Variants in DHX30 observed in about 807,000 individuals in gnomAD.
DHX30 encodes ATP-dependent RNA helicase DHX30.
A neutral mutation model predicts 116.9 loss-of-function variants in DHX30; 4 were observed. The observed-to-expected ratio is 0.03, with a 90% CI of 0.02 to 0.08. The LOEUF is 0.08. DHX30 is among the 10% of genes least tolerant of loss of function. The pLI is 1.00. For synonymous variants in DHX30, 697 were observed against 651.7 expected (o/e 1.07, Z -1.06); for missense variants, 871 against 1,595.1 (o/e 0.55, Z 7.73).
intron 6 of DHX30, among the ~76,000 whole-genome samples, chr3:47,833,074 G>A (rs1259419948): frequency 2.0e-5 from 3 of 151,542 alleles, no homozygotes; most frequent in African/African-American, 4.8e-5. Flanking sequence ...TGTGAGTCAC[G>A]GCTCCTGGCA....
rs370479642 is a variant in DHX30, at chr3:47,812,063, C to CAA, written c.28+1369_28+1370dup. On this transcript the variant is annotated intron_variant, in intron 3 of 21. Coordinates refer to ENST00000445061, the MANE Select transcript of DHX30 (RefSeq NM_138615.3). ...TGGGCAACAGAGCAAGACTCAGTCTCAAAAAAAAAAAAAAAAAAGGCCATG... is the reference window on the plus strand; with the variant it reads ...TGGGCAACAGAGCAAGACTCAGTCTCAAAAAAAAAAAAAAAAAAAAGGCCATG... Among the ~76,000 whole-genome samples, 253 of 88,978 alleles carry CAA rather than the reference C, an allele frequency of 2.8e-3. 10 individuals are homozygous for CAA. The highest frequency in any genetic ancestry group is 7.4e-3 in the Middle Eastern group (1 of 136). The allele number at this position is 88,978 out of a possible 152,430, so 58.4% of individuals were successfully genotyped here. A position where few individuals can be genotyped will look rare whatever the true frequency, so the allele number is the denominator to read the frequency against.
In DHX30 at chr3:47,817,046, T is replaced by G. The variant is rs116073443; in HGVS notation, c.29-976T>G. On this transcript the variant is annotated intron_variant, in intron 3 of 21. Transcript: ENST00000445061. ...TCTTGTTTTACTGATATCTTTCTCC[T>G]CTTTACCAATTGTATATGAGTCAAT... The G allele has an allele frequency of 1.1e-3, 810 of 757,976 alleles. 7 individuals are homozygous for G. In the African/African-American group the frequency reaches 0.015, roughly 14 times the overall value. The allele number at this position is 757,976 out of a possible 1,614,324, so 47.0% of individuals were successfully genotyped here.
In DHX30 at chr3:47,847,676, C is replaced by G. The variant is rs539598696; in HGVS notation, c.2111-105C>G. 6.7e-7 allele frequency: 1 copy of G among 1,484,834 alleles called. No homozygotes were observed. The highest frequency in any genetic ancestry group is 9.1e-7 in the Non-Finnish European group (1 of 1,103,746). 92.0% of individuals were successfully genotyped at this position (1,484,834 alleles called of 1,614,324 possible). On this transcript the variant is annotated intron_variant, in intron 13 of 21. Transcript: ENST00000445061. The surrounding 1 kb of genome is among the most constrained non-coding windows in gnomAD (Gnocchi z 5.5). Reference sequence around the variant, plus strand: ...TTTCACTGGGCATAGTGTTTATCTGCGCCTGTTTCATCAAAATGGGGTCAA... The same window carrying G: ...TTTCACTGGGCATAGTGTTTATCTGGGCCTGTTTCATCAAAATGGGGTCAA...
Position 47,849,022 on chromosome 3 carries a change from C to A in DHX30, c.2872C>A (p.Arg958=), listed in dbSNP as rs1213180342. The A allele has an allele frequency of 6.2e-7, 1 of 1,613,404 alleles. No homozygotes were observed. Among genetic ancestry groups the A allele is most frequent in the Non-Finnish European group, 8.5e-7 (1 of 1,179,754 alleles). ...EVLRWQDRSS[R]ENYLEENLLY... is the part of the protein sequence containing the mutation. ...GCTGCGTTGGCAGGACCGCAGCTCC[C>A]GGGAGAATTACCTGGAGGAAAACCT... Residue 958 remains arginine, a synonymous_variant, in exon 18 of 22, where the codon CGG becomes AGG. Coordinates refer to ENST00000445061, the MANE Select transcript of DHX30 (RefSeq NM_138615.3).
intron 6 of DHX30, among the ~76,000 whole-genome samples, chr3:47,835,560 C>T (rs1357237708): frequency 1.2e-4 from 18 of 149,622 alleles, no homozygotes; most frequent in Non-Finnish European, 1.3e-4. Flanking sequence ...CCGCCTCAGC[C>T]TCCCAAAGTT....
intron 2 of DHX30, among the ~76,000 whole-genome samples, chr3:47,806,043 G>A (rs1242429943): frequency 6.6e-6 from 1 of 152,154 alleles, no homozygotes; most frequent in Non-Finnish European, 1.5e-5. Context: ...CCAGGCTGGA[G>A]TGCAGTGGTG....
intron 6 of DHX30, among the ~76,000 whole-genome samples, chr3:47,839,143 A>C (rs1378650135): frequency 6.6e-6 from 1 of 152,124 alleles, no homozygotes; most frequent in Non-Finnish European, 1.5e-5. Flanking sequence ...CTAGAGACTT[A>C]GGCAATGTTT....
rs2107149156 is a variant in DHX30, at chr3:47,848,801, G to A, written c.2753G>A (p.Arg918Gln). 6.2e-7 allele frequency: 1 copy of A among 1,612,192 alleles called. No homozygotes were observed. The highest frequency in any genetic ancestry group is 8.5e-7 in the Non-Finnish European group (1 of 1,178,378). The change falls in exon 17 of 22, where the codon CGG becomes CAG. Residue 918 changes from arginine (R) to glutamine (Q), a missense_variant. Physicochemically the swap from Arg to Gln is conservative, Grantham distance 43. Coordinates refer to ENST00000445061, the MANE Select transcript of DHX30 (RefSeq NM_138615.3). This position sits in a 1 kb window ranked among gnomAD's most constrained non-coding sequence, Gnocchi z 9.4. ...CCCTTCAGCAGCAGCCTACAGAACC[G>A]GGCAGAGGTGGACAAGGTCAGTCCT... ...RDPFSSSLQN[R>Q]AEVDKVKALL...
rs200442179 is a variant in DHX30, at chr3:47,846,785, G to T, written c.1713G>T (p.Leu571=). The T allele has an allele frequency of 2.7e-5, 43 of 1,613,758 alleles. No homozygotes were observed. The highest frequency in any genetic ancestry group is 3.3e-5 in the Non-Finnish European group (39 of 1,179,966). Residue 571 remains leucine (L), a synonymous_variant, in exon 11 of 22, where the codon CTG becomes CTT. Transcript: ENST00000445061. ...VHERDVNTDF[L]LILLKGLQRL... The stretch of plus-strand genomic sequence containing the variant: ...AGCGGGACGTGAACACAGACTTTCT[G>T]CTGATCCTGCTCAAGGGCCTGCAGC...
intron 9 of DHX30, 43 bp from the exon 10 acceptor site, chr3:47,845,657 G>T: frequency 6.7e-7 from 1 of 1,485,738 alleles, no homozygotes; most frequent in Non-Finnish European, 9.0e-7. Flanking sequence ...TGGTTTTTGG[G>T]GAGCCCCAGA....
At chr3:47,843,558 G>A (rs1239520979) in intron 9 of DHX30, among the ~76,000 whole-genome samples, 2 of 152,204 alleles carry the variant, frequency 1.3e-5, no homozygotes, top group East Asian at 1.9e-4. Flanking sequence ...GGGAGGAGCC[G>A]GGCCTGTTTT....
chr3:47,832,506 C>T (rs1200601429), intron 6 of DHX30, among the ~76,000 whole-genome samples: 1 of 152,156 alleles, frequency 6.6e-6, no homozygotes, highest in African/African-American at 2.4e-5. Context: ...AATCTTGTCT[C>T]TTACAGGTTC....
At chr3:47,844,965 A>G (rs1382684434) in intron 9 of DHX30, among the ~76,000 whole-genome samples, 1 of 152,094 alleles carries the variant, frequency 6.6e-6, no homozygotes, top group Non-Finnish European at 1.5e-5. Context: ...GAAGGCTTTG[A>G]TGAGGCAGCA....
intron 6 of DHX30, among the ~76,000 whole-genome samples, chr3:47,832,380 T>C (rs551956486): frequency 5.3e-5 from 8 of 152,146 alleles, no homozygotes; most frequent in Non-Finnish European, 1.0e-4. Context: ...TGAGATGGGG[T>C]CTAGCTATGT....
At chr3:47,816,029 C>T (rs2036036376) in intron 3 of DHX30, 11 of 984,540 alleles carry the variant, frequency 1.1e-5, no homozygotes, top group South Asian at 4.7e-5. Flanking sequence ...TCATTTCCAA[C>T]CTTAGCTTCA....
chr3:47,842,323 A>G (rs1430491929), intron 8 of DHX30: 3 of 153,028 alleles, frequency 2.0e-5, no homozygotes, highest in Admixed American at 1.3e-4. Context: ...AGGTACGAAC[A>G]CCAACAATAT....
At chr3:47,809,678 T>A (rs984121546) in intron 2 of DHX30, among the ~76,000 whole-genome samples, 1 of 152,158 alleles carries the variant, frequency 6.6e-6, no homozygotes, top group Non-Finnish European at 1.5e-5. Flanking sequence ...AGACCTGCTA[T>A]GGACCTGAAA....
At position 47,829,057 on chromosome 3, in the gene DHX30, G is replaced by C; in HGVS notation, c.289G>C (p.Val97Leu). 1 of 1,610,346 alleles carries C rather than the reference G, an allele frequency of 6.2e-7. No homozygotes were observed. Among genetic ancestry groups the C allele is most frequent in the Non-Finnish European group, 8.5e-7 (1 of 1,178,198 alleles). Residue 97 changes from valine to leucine, a missense_variant, in exon 6 of 22, where the codon GTG (valine) becomes CTG (leucine). Physicochemically the swap from Val to Leu is conservative, Grantham distance 32. Transcript: ENST00000445061. ...ACTGCACATAAAATGGCCCAAGAGC[G>C]TGGAGGTAGAAGGCTATGGCAGCAA... is the stretch of plus-strand genomic sequence containing the variant. ...VTLHIKWPKS[V>L]EVEGYGSKKI... is the part of the protein sequence containing the mutation.
At position 47,849,325 on chromosome 3, in the gene DHX30, C is replaced by T. The variant is rs147985981; in HGVS notation, c.3063C>T (p.Ala1021=). The T allele has an allele frequency of 2.5e-5, 41 of 1,613,720 alleles. No individual in the cohort carries two copies. The highest frequency in any genetic ancestry group is 2.0e-4 in the African/African-American group (15 of 74,924). ...EEELVKGVLM[A]GLYPNLIQVR... ...AGCTGGTGAAGGGCGTGCTGATGGC[C>T]GGCCTCTACCCCAACCTCATCCAGG... The change falls in exon 19 of 22, where the codon GCC becomes GCT. Residue 1021 remains alanine (A), a synonymous_variant. Coordinates refer to ENST00000445061, the MANE Select transcript of DHX30 (RefSeq NM_138615.3).
Sources: gnomAD v4.1 joint callset for allele counts (sites outside exome capture counted in the v4.1 genomes callset) on GRCh38, gnomAD v4.1.1 for gene constraint, Gnocchi (gnomAD v3.1) non-coding constraint, MANE v1.5 for transcripts, NCBI Gene and HGNC (gene_info 2026-07-23, HGNC 2026-07-21) for gene names.